Variants in ASCC3 observed in about 807,000 individuals in gnomAD.
ASCC3 encodes the protein activating signal cointegrator 1 complex subunit 3.
A neutral mutation model predicts 256.3 loss-of-function variants in ASCC3; 158 were observed. That is an observed-to-expected ratio of 0.62 (90% CI 0.54 to 0.70). The LOEUF is 0.70. ASCC3 is among the 30% of genes least tolerant of loss of function. The pLI is 0.00. For synonymous variants in ASCC3, 948 were observed against 883.4 expected (o/e 1.07, Z -1.30); for missense variants, 2,259 against 2,626.0 (o/e 0.86, Z 3.05).
intron 16 of ASCC3, 53 bp from the exon 17 acceptor site, chr6:100,655,871 T>C: frequency 3.1e-6 from 5 of 1,592,692 alleles, no homozygotes; most frequent in Non-Finnish European, 3.4e-6. Context: ...AACATAAACA[T>C]TACATCAAAG....
At chr6:100,531,569 A>T (rs55720630) in intron 37 of ASCC3, among the ~76,000 whole-genome samples, 2 of 149,240 alleles carry the variant, frequency 1.3e-5, no homozygotes, top group African/African-American at 2.5e-5. Flanking sequence ...TTTGGGGGGA[A>T]TTTTTTTTTT....
chr6:100,616,969 T>C (rs918674330), intron 30 of ASCC3, among the ~76,000 whole-genome samples: 1 of 152,038 alleles, frequency 6.6e-6, no homozygotes, highest in African/African-American at 2.4e-5. Context: ...CTAAGGGCAG[T>C]ATTCTGAACT....
intron 10 of ASCC3, among the ~76,000 whole-genome samples, chr6:100,748,256 G>T (rs1205041392): frequency 6.6e-6 from 1 of 151,844 alleles, no homozygotes; most frequent in African/African-American, 2.4e-5. Flanking sequence ...AACAGTCAAT[G>T]TAGCACAATC....
intron 33 of ASCC3, among the ~76,000 whole-genome samples, chr6:100,603,082 ATG>A (rs931717900): frequency 6.6e-6 from 1 of 152,050 alleles, no homozygotes; most frequent in African/African-American, 2.4e-5. Context: ...AAACATTTAC[ATG>A]TGAGAATAGG....
chr6:100,670,184 T>A (rs1009478082), intron 14 of ASCC3, among the ~76,000 whole-genome samples: 10 of 151,900 alleles, frequency 6.6e-5, no homozygotes, highest in African/African-American at 2.2e-4. Flanking sequence ...ATTAAAGAAA[T>A]GCCAATCAAA....
intron 36 of ASCC3, among the ~76,000 whole-genome samples, chr6:100,572,611 A>G (rs1287030913): frequency 6.6e-6 from 1 of 152,194 alleles, no homozygotes; most frequent in African/African-American, 2.4e-5. Context: ...TAAAAGTAGT[A>G]TTATATATAA....
chr6:100,823,689 CA>C (rs1771163962), intron 4 of ASCC3, among the ~76,000 whole-genome samples: 1 of 151,978 alleles, frequency 6.6e-6, no homozygotes, highest in Admixed American at 6.6e-5. Context: ...TAGAAACAGT[CA>C]AAAAATCAAC....
intron 13 of ASCC3, among the ~76,000 whole-genome samples, chr6:100,710,383 T>C (rs1368440979): frequency 6.6e-6 from 1 of 152,154 alleles, no homozygotes; most frequent in African/African-American, 2.4e-5. Flanking sequence ...TTCTCTTGGG[T>C]ATCCCATCCA....
chr6:100,595,141 G>A (rs1772223021), intron 34 of ASCC3, among the ~76,000 whole-genome samples: 1 of 152,106 alleles, frequency 6.6e-6, no homozygotes, highest in Non-Finnish European at 1.5e-5. Flanking sequence ...GCACTGCACA[G>A]CATGGTAACT....
intron 4 of ASCC3, among the ~76,000 whole-genome samples, chr6:100,845,803 T>C (rs1772354643): frequency 6.6e-6 from 1 of 152,180 alleles, no homozygotes; most frequent in Admixed American, 6.6e-5. Context: ...AAAAAGACTT[T>C]AATAGCTAGC....
At chr6:100,701,701 G>T (rs956976690) in intron 13 of ASCC3, among the ~76,000 whole-genome samples, 2 of 151,962 alleles carry the variant, frequency 1.3e-5, no homozygotes, top group Non-Finnish European at 2.9e-5. Flanking sequence ...AACTATAGCT[G>T]GAATTACGAA....
intron 34 of ASCC3, among the ~76,000 whole-genome samples, chr6:100,600,932 C>T (rs963937904): frequency 1.3e-5 from 2 of 152,108 alleles, no homozygotes; most frequent in African/African-American, 4.8e-5. Context: ...AACTACTTAG[C>T]ACAGCATAAA....
At chr6:100,851,769 T>C (rs1265265697) in intron 3 of ASCC3, among the ~76,000 whole-genome samples, 1 of 152,192 alleles carries the variant, frequency 6.6e-6, no homozygotes. Context: ...CTTACGGTTC[T>C]GGGAGTTCCA....
At chr6:100,716,080 G>A (rs1779074870) in intron 12 of ASCC3, among the ~76,000 whole-genome samples, 1 of 151,676 alleles carries the variant, frequency 6.6e-6, no homozygotes, top group Non-Finnish European at 1.5e-5. Context: ...AGATTAATTG[G>A]AAATCTAATA....
chr6:100,536,017 A>G (rs1775142863), intron 37 of ASCC3, among the ~76,000 whole-genome samples: 1 of 152,186 alleles, frequency 6.6e-6, no homozygotes, highest in Non-Finnish European at 1.5e-5. Flanking sequence ...GCATTTATAA[A>G]ATAACAGAAG....
intron 8 of ASCC3, among the ~76,000 whole-genome samples, chr6:100,770,243 T>A (rs866608037): frequency 2.6e-5 from 4 of 152,016 alleles, no homozygotes; most frequent in African/African-American, 7.2e-5. Flanking sequence ...GAAAAAGCAT[T>A]TGACAAAATC....
At chr6:100,729,761 A>G (rs537512955) in intron 10 of ASCC3, among the ~76,000 whole-genome samples, 123 of 152,338 alleles carry the variant, frequency 8.1e-4, no homozygotes, top group Middle Eastern at 6.8e-3. Flanking sequence ...CAAAAGGAAT[A>G]CACAAATTTT....
At chr6:100,801,813 T>C (rs1256428554) in intron 5 of ASCC3, among the ~76,000 whole-genome samples, 2 of 151,574 alleles carry the variant, frequency 1.3e-5, no homozygotes, top group Non-Finnish European at 2.9e-5. Flanking sequence ...AGTTTTCACA[T>C]GTACTCTGAA....
chr6:100,732,581 C>A (rs1474174823), intron 10 of ASCC3, among the ~76,000 whole-genome samples: 1 of 152,034 alleles, frequency 6.6e-6, no homozygotes, highest in Non-Finnish European at 1.5e-5. Context: ...TAAACTTAAC[C>A]ACAATTTATG....
Sources: allele counts gnomAD v4.1 joint callset (sites outside exome capture counted in the v4.1 genomes callset), GRCh38; gene constraint gnomAD v4.1.1; transcripts MANE v1.5; gene names NCBI Gene and HGNC (gene_info 2026-07-23, HGNC 2026-07-21).